PCDHA1: variants seen among roughly 807,000 people sequenced by gnomAD.
PCDHA1 encodes the protein protocadherin alpha 1, also known as protocadherin alpha-1.
A neutral mutation model predicts 61.3 loss-of-function variants in PCDHA1; 42 were observed. The ratio of observed to expected loss-of-function variants is 0.69; its 90% CI spans 0.54 to 0.89. The LOEUF (loss-of-function observed/expected upper bound fraction) is 0.89, where lower values mean the gene tolerates loss of function less well. Among genes scored for constraint, PCDHA1 ranks in the 40% least tolerant of loss-of-function variants. PCDHA1 has a pLI of 0.00. For synonymous variants in PCDHA1, 610 were observed against 553.8 expected (o/e 1.10, Z -1.43); for missense variants, 1,256 against 1,235.3 (o/e 1.02, Z -0.25).
intron 1 of PCDHA1, among the ~76,000 whole-genome samples, chr5:140,926,157 C>T (rs1264983904): frequency 4.0e-5 from 6 of 151,736 alleles, no homozygotes; most frequent in Non-Finnish European, 8.8e-5. Flanking sequence ...GAAAGCTCTG[C>T]AGCAGGATCC....
chr5:140,866,563 G>A (rs1163893808), intron 1 of PCDHA1: 31 of 152,118 alleles, frequency 2.0e-4, no homozygotes, highest in Admixed American at 2.0e-3. Flanking sequence ...CTATAATTTT[G>A]TTAATACAGT....
chr5:140,849,079 T>C (rs1554142746), intron 1 of PCDHA1: 1 of 1,521,712 alleles, frequency 6.6e-7, no homozygotes, highest in African/African-American at 1.5e-5. Flanking sequence ...CTTGGACTTG[T>C]ATTACGGAAA....
intron 1 of PCDHA1, chr5:140,817,147 A>G (rs1185390930): frequency 1.3e-5 from 2 of 152,232 alleles, no homozygotes; most frequent in Non-Finnish European, 2.9e-5. Flanking sequence ...GCCAGGTTCC[A>G]TCAGTGCTCT....
At chr5:140,796,706 TG>T (rs1554120061) in intron 1 of PCDHA1, 1 of 1,613,860 alleles carries the variant, frequency 6.2e-7, no homozygotes. Context: ...AGTGAGCTGG[TG>T]CCGTGGTCGG....
intron 1 of PCDHA1, chr5:140,803,529 C>T: frequency 6.2e-7 from 1 of 1,614,216 alleles, no homozygotes; most frequent in African/African-American, 1.3e-5. Flanking sequence ...TAGCCTTCCT[C>T]CTTGTCCAAT....
chr5:140,838,830 G>T lies in PCDHA1; in HGVS notation c.2394+50146G>T, dbSNP rs2150292809. 1.2e-3 allele frequency among the ~76,000 whole-genome samples: 185 copies of T among 152,000 alleles called. 4 individuals carry two copies. Among genetic ancestry groups the T allele is most frequent in the African/African-American group, 4.4e-3 (182 of 41,426 alleles). ...TCAGCTACTCAAGAAACTGAGGTGG[G>T]AGGATCACTTAAGCCAGGGAGGTCC... On this transcript the variant is annotated intron_variant, in intron 1 of 3. Transcript: ENST00000504120.
intron 1 of PCDHA1, chr5:140,802,043 T>A (rs782776274): frequency 6.2e-7 from 1 of 1,614,190 alleles, no homozygotes; most frequent in Non-Finnish European, 8.5e-7. Flanking sequence ...ATTCTTTCAA[T>A]ACGGACATGT....
chr5:140,879,055 A>C (rs1048447920), intron 1 of PCDHA1, among the ~76,000 whole-genome samples: 2 of 152,214 alleles, frequency 1.3e-5, no homozygotes, highest in Non-Finnish European at 2.9e-5. Context: ...ACAACATTTT[A>C]CCAAGAAAGT....
In PCDHA1 at chr5:140,786,353, C is replaced by T; in HGVS notation, c.63C>T (p.Leu21=). Residue 21 remains leucine (L), a synonymous_variant, in exon 1 of 4, where the codon CTC becomes CTT. Coordinates refer to ENST00000504120, the MANE Select transcript of PCDHA1 (RefSeq NM_018900.4). ...ATCTGCTTCTTTGGCTTCTGCTCCT[C>T]GCAGCCTGGGAGGTGGGGAGCGGCC... ...ARDLLLWLLL[L]AAWEVGSGQL... is the part of the protein sequence containing the mutation. 6.2e-7 allele frequency: 1 copy of T among 1,613,882 alleles called. No homozygotes were observed. Among genetic ancestry groups the T allele is most frequent in the Non-Finnish European group, 8.5e-7 (1 of 1,179,980 alleles).
intron 1 of PCDHA1, chr5:140,836,920 G>A: frequency 1.8e-6 from 1 of 542,350 alleles, no homozygotes; most frequent in Non-Finnish European, 3.1e-6. Flanking sequence ...TTTTGTTTTG[G>A]GATGCGTAAT....
chr5:140,824,114 C>T (rs1218962389), intron 1 of PCDHA1: 1 of 1,613,950 alleles, frequency 6.2e-7, no homozygotes, highest in Non-Finnish European at 8.5e-7. Context: ...CAGGGTCCCA[C>T]CTCTACAGAC....
intron 1 of PCDHA1, chr5:140,858,528 T>A (rs2045469480): frequency 1.4e-6 from 2 of 1,404,940 alleles, no homozygotes; most frequent in South Asian, 2.5e-5. Context: ...AATATTTCAT[T>A]TTTGTCTACA....
In PCDHA1 at chr5:140,900,301, C is replaced by CAG. The variant is rs1168626144; in HGVS notation, c.2395-78647_2395-78646dup. Among the ~76,000 whole-genome samples the CAG allele has an allele frequency of 1.4e-4, 22 of 152,156 alleles. No homozygotes were observed. The East Asian group carries it at 4.1e-3, about 28-fold the overall frequency. On this transcript the variant is annotated intron_variant, in intron 1 of 3. Coordinates refer to ENST00000504120, the MANE Select transcript of PCDHA1 (RefSeq NM_018900.4). ...ACACTTTCTTTTCTGTTTTTTTAGACAGTCTCACTTTTGTCGCCCAGGCTG... is the reference window on the plus strand; with the variant it reads ...ACACTTTCTTTTCTGTTTTTTTAGACAGAGTCTCACTTTTGTCGCCCAGGCTG...
intron 1 of PCDHA1, chr5:140,926,588 C>A: frequency 3.4e-6 from 1 of 293,528 alleles, no homozygotes; most frequent in Admixed American, 5.0e-5. Context: ...CTCTCGCGCC[C>A]GGGCGGGCGG....
At chr5:140,966,741 G>T in intron 1 of PCDHA1, 1 of 1,421,322 alleles carries the variant, frequency 7.0e-7, no homozygotes, top group Non-Finnish European at 9.1e-7. Flanking sequence ...GGCCCTGCCC[G>T]GCTGCCTCCG....
chr5:140,849,867 TC>T, intron 1 of PCDHA1: 1 of 1,598,534 alleles, frequency 6.3e-7, no homozygotes, highest in Non-Finnish European at 8.6e-7. Flanking sequence ...GTTCGCGCAG[TC>T]CGAGTACACG....
intron 1 of PCDHA1, chr5:140,807,409 T>A: frequency 6.4e-7 from 1 of 1,572,226 alleles, no homozygotes; most frequent in Non-Finnish European, 8.7e-7. Flanking sequence ...GCGGAGGCCT[T>A]CTGGAGGTAA....
At chr5:140,914,023 G>A (rs1434570010) in intron 1 of PCDHA1, among the ~76,000 whole-genome samples, 5 of 152,112 alleles carry the variant, frequency 3.3e-5, no homozygotes, top group African/African-American at 7.2e-5. Context: ...AATGATCCAC[G>A]TGCTGAGAAG....
chr5:140,869,810 A>T lies in PCDHA1; in HGVS notation c.2394+81126A>T, dbSNP rs2051437780. On this transcript the variant is annotated intron_variant, in intron 1 of 3. Transcript: ENST00000504120. ...CTGTTAGTCCAAGTCTTGGATGTCA[A>T]CGACAATGATCCAGAGTTTGATAAA... The T allele has an allele frequency of 6.2e-7, 1 of 1,612,624 alleles. No individual in the cohort carries two copies.
Sources: allele counts gnomAD v4.1 joint callset (sites outside exome capture counted in the v4.1 genomes callset), GRCh38; gene constraint gnomAD v4.1.1; transcripts MANE v1.5; gene names NCBI Gene and HGNC (gene_info 2026-07-23, HGNC 2026-07-21).